Variants in CAMKMT observed in about 807,000 individuals in gnomAD.
The protein encoded by CAMKMT is calmodulin-lysine N-methyltransferase.
CAMKMT carries 53 observed loss-of-function variants against 48.0 expected under a neutral mutation model. The ratio of observed to expected loss-of-function variants is 1.10; its 90% CI spans 0.89 to 1.39. CAMKMT has a LOEUF of 1.39. Ranked by LOEUF, CAMKMT falls within the 40% of genes most tolerant of loss-of-function variation. CAMKMT has a pLI of 0.00. For missense variants in CAMKMT, 428 were observed against 402.7 expected (o/e 1.06, Z -0.54); for synonymous variants, 165 against 152.3 (o/e 1.08, Z -0.61).
At chr2:44,442,629 A>G (rs1457852620) in intron 3 of CAMKMT, among the ~76,000 whole-genome samples, 1 of 152,184 alleles carries the variant, frequency 6.6e-6, no homozygotes, top group African/African-American at 2.4e-5. Context: ...TAATTCTCTG[A>G]CCGACTTCTA....
intron 3 of CAMKMT, among the ~76,000 whole-genome samples, chr2:44,429,447 G>T (rs1684501949): frequency 6.6e-6 from 1 of 151,864 alleles, no homozygotes; most frequent in Non-Finnish European, 1.5e-5. Context: ...TTCTTTCCTG[G>T]TCTCTATGTT....
At chr2:44,522,607 T>C (rs1671177324) in intron 3 of CAMKMT, among the ~76,000 whole-genome samples, 3 of 152,218 alleles carry the variant, frequency 2.0e-5, no homozygotes, top group African/African-American at 7.2e-5. Context: ...TCTGGGGTCA[T>C]TGAGGGTTTT....
chr2:44,639,754 G>A (rs4324362), intron 3 of CAMKMT, among the ~76,000 whole-genome samples: 88,329 of 151,986 alleles, frequency 0.58, 26,286 homozygotes, highest in Middle Eastern at 0.69. Flanking sequence ...CTTTTATTCT[G>A]TTCAACCTAT....
chr2:44,363,378 C>A (rs562469243), intron 1 of CAMKMT, among the ~76,000 whole-genome samples: 22 of 151,836 alleles, frequency 1.4e-4, no homozygotes, highest in Non-Finnish European at 2.9e-4. Context: ...CCCCCCTTCC[C>A]CCCTCCTTTT....
intron 3 of CAMKMT, among the ~76,000 whole-genome samples, chr2:44,632,144 C>T (rs1672869464): frequency 6.6e-6 from 1 of 152,084 alleles, no homozygotes; most frequent in African/African-American, 2.4e-5. Flanking sequence ...CCATTTTCAG[C>T]ACTCTTCACT....
intron 3 of CAMKMT, among the ~76,000 whole-genome samples, chr2:44,547,800 C>T (rs774606960): frequency 2.8e-4 from 42 of 152,282 alleles, no homozygotes; most frequent in Admixed American, 7.2e-4. Context: ...AATAACATTA[C>T]TTCTCTCTTT....
At chr2:44,621,273 A>ATAAAATAAAATAAAAT (rs1430839241) in intron 3 of CAMKMT, among the ~76,000 whole-genome samples, 6 of 151,436 alleles carry the variant, frequency 4.0e-5, no homozygotes, top group African/African-American at 1.5e-4. Flanking sequence ...TCTCAAAAAA[A>ATAAAATAAAATAAAAT]AAAAAAAAAA....
rs180990100 is a variant in CAMKMT at position 44,592,238 on chromosome 2, C to G, written c.377-112045C>G. 4.6e-5 allele frequency among the ~76,000 whole-genome samples: 7 copies of G among 151,918 alleles called. No individual in the cohort carries two copies. In the East Asian group the frequency reaches 9.7e-4, roughly 21 times the overall value. ...TAATAATAATAAATAAATAAATAAA[C>G]TACGAATTCATTTTTTTTATGGGTA... On this transcript the variant is annotated intron_variant, in intron 3 of 10. Transcript: ENST00000378494.
chr2:44,510,640 C>A (rs958669760), intron 3 of CAMKMT, among the ~76,000 whole-genome samples: 3 of 152,152 alleles, frequency 2.0e-5, no homozygotes, highest in Non-Finnish European at 4.4e-5. Context: ...CTGATTCCAT[C>A]GCCTACATTC....
intron 3 of CAMKMT, among the ~76,000 whole-genome samples, chr2:44,539,119 C>T (rs1666949056): frequency 6.6e-6 from 1 of 151,700 alleles, no homozygotes; most frequent in African/African-American, 2.4e-5. Flanking sequence ...GCCTGGGCAA[C>T]ATAGTGAAAC....
chr2:44,742,373 T>A (rs1196304539), intron 7 of CAMKMT, among the ~76,000 whole-genome samples: 1 of 152,190 alleles, frequency 6.6e-6, no homozygotes, highest in Non-Finnish European at 1.5e-5. Context: ...TTGTGAACCC[T>A]GAGGTAACCC....
chr2:44,515,572 T>C (rs1670793748), intron 3 of CAMKMT, among the ~76,000 whole-genome samples: 1 of 152,196 alleles, frequency 6.6e-6, no homozygotes, highest in Admixed American at 6.5e-5. Context: ...ATCAAAGATA[T>C]GACCTTGAAA....
At chr2:44,681,090 A>G (rs1453728063) in intron 3 of CAMKMT, among the ~76,000 whole-genome samples, 1 of 152,178 alleles carries the variant, frequency 6.6e-6, no homozygotes, top group African/African-American at 2.4e-5. Context: ...CTCACATATC[A>G]GTCTATTCAT....
At chr2:44,568,467 G>A (rs1162997225) in intron 3 of CAMKMT, among the ~76,000 whole-genome samples, 1 of 152,182 alleles carries the variant, frequency 6.6e-6, no homozygotes, top group Non-Finnish European at 1.5e-5. Flanking sequence ...CAAACATCAT[G>A]TCCATGCAGA....
intron 3 of CAMKMT, among the ~76,000 whole-genome samples, chr2:44,641,446 A>G (rs984909297): frequency 6.6e-6 from 1 of 151,914 alleles, no homozygotes. Flanking sequence ...TCTTGCAAAA[A>G]CCCAACCCCA....
intron 3 of CAMKMT, chr2:44,393,223 A>G (rs1237632828): frequency 6.6e-6 from 1 of 152,156 alleles, no homozygotes; most frequent in African/African-American, 2.4e-5. Context: ...TGGAAAATAA[A>G]CCTCTAGATA....
At chr2:44,630,268 C>T (rs188445843) in intron 3 of CAMKMT, among the ~76,000 whole-genome samples, 7 of 151,516 alleles carry the variant, frequency 4.6e-5, no homozygotes, top group East Asian at 1.9e-4. Context: ...AAGACTTAAA[C>T]GTTAGACCTA....
At chr2:44,591,469 C>T (rs1422385160) in intron 3 of CAMKMT, among the ~76,000 whole-genome samples, 2 of 152,032 alleles carry the variant, frequency 1.3e-5, no homozygotes, top group Non-Finnish European at 2.9e-5. Context: ...AGGTCCTTCA[C>T]GTCCCTTGTA....
At chr2:44,665,431 G>A (rs1177571763) in intron 3 of CAMKMT, among the ~76,000 whole-genome samples, 1 of 152,172 alleles carries the variant, frequency 6.6e-6, no homozygotes, top group Non-Finnish European at 1.5e-5. Flanking sequence ...TACTATAGGG[G>A]AAAGGTTTAA....
Sources: gnomAD v4.1 joint callset for allele counts (sites outside exome capture counted in the v4.1 genomes callset) on GRCh38, gnomAD v4.1.1 for gene constraint, MANE v1.5 for transcripts, NCBI Gene and HGNC (gene_info 2026-07-23, HGNC 2026-07-21) for gene names.